HYCC1: variants seen among roughly 807,000 people sequenced by gnomAD.
The protein encoded by HYCC1 is hyccin.
the HYCC1 span, among the ~76,000 whole-genome samples, chr7:22,981,426 T>C: frequency 1.3e-5 from 2 of 152,214 alleles, no homozygotes; most frequent in Admixed American, 1.3e-4. Context: ...TTTTCAAATT[T>C]AGACACAAAA....
the HYCC1 span, among the ~76,000 whole-genome samples, chr7:22,901,408 G>A: frequency 6.6e-6 from 1 of 152,002 alleles, no homozygotes; most frequent in Non-Finnish European, 1.5e-5. Context: ...TACATTAAAT[G>A]TAACTGGTGT....
chr7:23,003,238 C>A, the HYCC1 span, among the ~76,000 whole-genome samples: 1 of 151,718 alleles, frequency 6.6e-6, no homozygotes, highest in Non-Finnish European at 1.5e-5. Flanking sequence ...GGTTAAATAT[C>A]ATCCATTTAT....
chr7:22,993,681 TACAA>T, the HYCC1 span, among the ~76,000 whole-genome samples: 1 of 150,924 alleles, frequency 6.6e-6, no homozygotes, highest in Non-Finnish European at 1.5e-5. Context: ...AAATACACCA[TACAA>T]ACACACACAC....
chr7:22,968,512 T>C, the HYCC1 span, among the ~76,000 whole-genome samples: 3 of 152,326 alleles, frequency 2.0e-5, no homozygotes, highest in South Asian at 6.2e-4. Flanking sequence ...TACTTTAAGT[T>C]ATCATTGTTT....
chr7:22,971,546 T>G, the HYCC1 span, among the ~76,000 whole-genome samples: 1 of 151,210 alleles, frequency 6.6e-6, no homozygotes, highest in African/African-American at 2.4e-5. Context: ...CATGGTGGCA[T>G]TTGCCTGTAG....
the HYCC1 span, among the ~76,000 whole-genome samples, chr7:22,898,698 G>C: frequency 1.3e-5 from 2 of 151,036 alleles, no homozygotes; most frequent in Admixed American, 1.3e-4. Flanking sequence ...CACCTCCCGG[G>C]TTCAGGTGAT....
At chr7:22,976,061 C>A in the HYCC1 span, 1 of 629,772 alleles carries the variant, frequency 1.6e-6, no homozygotes, top group Admixed American at 2.7e-5. Flanking sequence ...AGGGAACTTT[C>A]CATGTGTTGG....
the HYCC1 span, chr7:22,984,127 T>A: frequency 1.2e-6 from 1 of 829,708 alleles, no homozygotes; most frequent in Admixed American, 2.0e-5. Context: ...AGTAAATTAG[T>A]TGTTGCCAGG....
At chr7:23,003,692 G>A in the HYCC1 span, among the ~76,000 whole-genome samples, 3 of 152,170 alleles carry the variant, frequency 2.0e-5, no homozygotes. Context: ...ACTAAGTTGG[G>A]AGTTAATGTC....
chr7:22,906,277 G>A, the HYCC1 span, among the ~76,000 whole-genome samples: 35 of 152,118 alleles, frequency 2.3e-4, no homozygotes, highest in Non-Finnish European at 4.1e-4. Context: ...ATGGACTCGT[G>A]TATTTATCTC....
chr7:22,921,237 T>C, the HYCC1 span, among the ~76,000 whole-genome samples: 2 of 152,228 alleles, frequency 1.3e-5, no homozygotes, highest in African/African-American at 4.8e-5. Flanking sequence ...TACATATGTA[T>C]GTATTCTTGG....
chr7:22,990,290 T>C, the HYCC1 span, among the ~76,000 whole-genome samples: 65 of 152,330 alleles, frequency 4.3e-4, 1 homozygote, highest in Admixed American at 4.0e-3. Flanking sequence ...ATTTTATCTT[T>C]TCTTTGGTTT....
the HYCC1 span, among the ~76,000 whole-genome samples, chr7:22,996,608 A>AC: frequency 6.8e-6 from 1 of 147,846 alleles, no homozygotes. Flanking sequence ...AAAAAAAAAA[A>AC]AAAAAAAAAA....
the HYCC1 span, chr7:22,984,102 T>G: frequency 2.0e-6 from 2 of 1,004,174 alleles, no homozygotes; most frequent in Non-Finnish European, 3.1e-6. Flanking sequence ...AATAGGCAAA[T>G]CCATAGATGC....
chr7:23,012,374 G>C, the HYCC1 span, among the ~76,000 whole-genome samples: 4 of 152,198 alleles, frequency 2.6e-5, no homozygotes, highest in African/African-American at 9.6e-5. Context: ...CCCAGCTAAT[G>C]CCTTATCGGG....
the HYCC1 span, among the ~76,000 whole-genome samples, chr7:22,916,935 T>A: frequency 6.6e-6 from 1 of 152,218 alleles, no homozygotes; most frequent in Admixed American, 6.5e-5. Context: ...TGCTGTTATA[T>A]AGGCTGAAAG....
chr7:22,928,675 C>G, the HYCC1 span, among the ~76,000 whole-genome samples: 38 of 151,774 alleles, frequency 2.5e-4, no homozygotes, highest in East Asian at 7.8e-4. Flanking sequence ...CACTGCTCAA[C>G]GAAATAAAAG....
chr7:22,906,657 A>C, the HYCC1 span, among the ~76,000 whole-genome samples: 1 of 152,126 alleles, frequency 6.6e-6, no homozygotes, highest in Non-Finnish European at 1.5e-5. Flanking sequence ...TAAAATATTA[A>C]AAGTAACAAA....
chr7:22,998,331 T>A, the HYCC1 span, among the ~76,000 whole-genome samples: 2 of 152,150 alleles, frequency 1.3e-5, no homozygotes, highest in Admixed American at 1.3e-4. Flanking sequence ...TTGACTAAGA[T>A]CATGTACAAT....
Sources: gnomAD v4.1 joint callset for allele counts (sites outside exome capture counted in the v4.1 genomes callset) on GRCh38, gnomAD v4.1.1 for gene constraint, MANE v1.5 for transcripts, NCBI Gene and HGNC (gene_info 2026-07-23, HGNC 2026-07-21) for gene names.